TFEB: variants seen among roughly 807,000 people sequenced by gnomAD.
The protein encoded by TFEB is transcription factor EB, also known as T-cell transcription factor EB.
TFEB carries 12 observed loss-of-function variants against 48.0 expected under a neutral mutation model. That is an observed-to-expected ratio of 0.25 (90% CI 0.16 to 0.40). The LOEUF is 0.40. TFEB is among the 10% of genes least tolerant of loss of function. The pLI, the probability that TFEB is intolerant of heterozygous loss-of-function variation, is 1.00. For missense variants in TFEB, 509 were observed against 640.3 expected (o/e 0.79, Z 2.21); for synonymous variants, 244 against 261.4 (o/e 0.93, Z 0.64).
chr6:41,687,779 C>G lies in TFEB; in HGVS notation c.701G>C (p.Arg234Pro). 1 of 1,614,082 alleles carries G rather than the reference C, an allele frequency of 6.2e-7. No homozygotes were observed. Among genetic ancestry groups the G allele is most frequent in the Non-Finnish European group, 8.5e-7 (1 of 1,179,984 alleles). ...DAESRALAKE[R>P]QKKDNHNLIE... ...TAAGTTGTGATTGTCTTTCTTCTGC[C>G]GCTCCTTGGCCAGGGCCCTGCTCTC... The change falls in exon 6 of 9, where the codon CGG becomes CCG. Residue 234 changes from arginine to proline, a missense_variant. Physicochemically the swap from Arg to Pro is moderately radical, Grantham distance 103. Coordinates refer to ENST00000373033, the MANE Select transcript of TFEB (RefSeq NM_001271944.2).
rs1320346631 is a variant in TFEB at position 41,684,136 on chromosome 6, G to A, written c.*463C>T. The A allele has an allele frequency of 8.6e-6, 2 of 233,676 alleles. No homozygotes were observed. Among genetic ancestry groups the A allele is most frequent in the Non-Finnish European group, 8.5e-6 (1 of 118,228 alleles). The allele number at this position is 233,676 out of a possible 1,614,324, so 14.5% of individuals were successfully genotyped here. ...GGGGGTGCCCACCTGTGGGAGAGCC[G>A]AGGACCAGGCTGCGGGGTGGACCTC... On this transcript the variant is annotated 3_prime_UTR_variant, in exon 9 of 9. Transcript: ENST00000373033.
In TFEB at chr6:41,684,366, G is replaced by A. The variant is rs75080302; in HGVS notation, c.*233C>T. 0.037 allele frequency: 15,681 copies of A among 427,532 alleles called. 403 individuals are homozygous for A. The highest frequency in any genetic ancestry group is 0.085 in the Admixed American group (1,935 of 22,808). The allele number at this position is 427,532 out of a possible 1,614,324, so 26.5% of individuals were successfully genotyped here. A position where few individuals can be genotyped will look rare whatever the true frequency, so the allele number is the denominator to read the frequency against. On this transcript the variant is annotated 3_prime_UTR_variant, in exon 9 of 9. Transcript: ENST00000373033. ...CCCGCGATTCCATCTCCGGGAGAGG[G>A]GCTGAAGGCCTCTTCCCACTGCGCC...
chr6:41,703,813 C>T (rs2127458171), intron 1 of TFEB, among the ~76,000 whole-genome samples: 1 of 152,332 alleles, frequency 6.6e-6, no homozygotes, highest in Middle Eastern at 3.4e-3. Context: ...TTAATCCTCA[C>T]CACAGCTCCA....
chr6:41,722,550 C>A (rs1771025729), intron 1 of TFEB, among the ~76,000 whole-genome samples: 1 of 152,254 alleles, frequency 6.6e-6, no homozygotes, highest in African/African-American at 2.4e-5. Context: ...TGCCCTGGAG[C>A]AAGTCACTCT....
intron 3 of TFEB, 89 bp downstream of exon 3, chr6:41,690,574 G>A: frequency 2.2e-6 from 3 of 1,394,980 alleles, no homozygotes; most frequent in Non-Finnish European, 2.8e-6. Context: ...AGGCACCCCT[G>A]CCTCTGCCAT....
At chr6:41,715,351 G>A (rs1388397486) in intron 1 of TFEB, among the ~76,000 whole-genome samples, 2 of 152,068 alleles carry the variant, frequency 1.3e-5, no homozygotes, top group Non-Finnish European at 2.9e-5. Flanking sequence ...ATGGGAAAGG[G>A]ACACAGCAAC....
intron 1 of TFEB, among the ~76,000 whole-genome samples, chr6:41,698,169 C>T (rs73420071): frequency 0.13 from 19,264 of 152,008 alleles, 1,331 homozygotes; most frequent in East Asian, 0.22. Context: ...CATTATTGTC[C>T]CCATTCAAGG....
In TFEB at chr6:41,690,818, C is replaced by T. The variant is rs1215893543; in HGVS notation, c.313G>A (p.Ala105Thr). 1.2e-6 allele frequency: 2 copies of T among 1,613,170 alleles called. No individual in the cohort carries two copies. The highest frequency in any genetic ancestry group is 1.7e-5 in the Admixed American group (1 of 59,976). Reference protein sequence around the residue: ...YLSETYGNKFAAHISPAQGSP... With the variant: ...YLSETYGNKFTAHISPAQGSP... The stretch of plus-strand genomic sequence containing the variant: ...CCCTGGGCTGGGCTGATGTGGGCAG[C>T]AAACTTGTTCCCATAGGTCTCGGAC... The change falls in exon 3 of 9, where the codon GCT becomes ACT. Residue 105 changes from alanine to threonine, a missense_variant. Ala to Thr is a moderately conservative substitution (Grantham distance 58). Around this residue, in one of 4 missense-constraint regions of TFEB, gnomAD observed 251 missense variants for 317.2 expected, o/e 0.79. Coordinates refer to ENST00000373033, the MANE Select transcript of TFEB (RefSeq NM_001271944.2).
At chr6:41,704,266 G>A (rs1770090657) in intron 1 of TFEB, among the ~76,000 whole-genome samples, 1 of 152,210 alleles carries the variant, frequency 6.6e-6, no homozygotes. Flanking sequence ...AGTGGATCAC[G>A]AATATGCTCT....
chr6:41,713,592 G>A (rs11969692), intron 1 of TFEB, among the ~76,000 whole-genome samples: 65,178 of 151,802 alleles, frequency 0.43, 15,228 homozygotes, highest in African/African-American at 0.62. Flanking sequence ...GGAGAAACGC[G>A]GTCTGAGGCG....
intron 1 of TFEB, among the ~76,000 whole-genome samples, chr6:41,716,878 C>T (rs1057503045): frequency 8.5e-5 from 13 of 152,232 alleles, no homozygotes; most frequent in African/African-American, 3.1e-4. Context: ...GAGTCCCCCA[C>T]AGCTAGCAGA....
At chr6:41,718,358 A>G (rs780241470) in intron 1 of TFEB, among the ~76,000 whole-genome samples, 6 of 151,944 alleles carry the variant, frequency 3.9e-5, no homozygotes, top group Non-Finnish European at 8.8e-5. Flanking sequence ...ACAGGCATGC[A>G]TCATCACACC....
At chr6:41,703,443 T>C (rs1304645034) in intron 1 of TFEB, among the ~76,000 whole-genome samples, 1 of 151,790 alleles carries the variant, frequency 6.6e-6, no homozygotes, top group African/African-American at 2.4e-5. Flanking sequence ...CTCCTGCCCC[T>C]GCTCCTGGGG....
At chr6:41,722,322 T>A (rs1771017347) in intron 1 of TFEB, among the ~76,000 whole-genome samples, 1 of 152,202 alleles carries the variant, frequency 6.6e-6, no homozygotes, top group African/African-American at 2.4e-5. Context: ...TGTGGGTTAC[T>A]TTGATTACTT....
At position 41,684,548 on chromosome 6, in the gene TFEB, C is replaced by T; in HGVS notation, c.*51G>A. ...AGGGTGGGAGGGAGGTGCCCCTGGC[C>T]CTCCCAGCCCCCAGGCCGGCCCCTG... On this transcript the variant is annotated 3_prime_UTR_variant, in exon 9 of 9. Coordinates refer to ENST00000373033, the MANE Select transcript of TFEB (RefSeq NM_001271944.2). 1.3e-6 allele frequency: 2 copies of T among 1,500,784 alleles called. No homozygotes were observed. The highest frequency in any genetic ancestry group is 1.8e-6 in the Non-Finnish European group (2 of 1,127,830). The allele number at this position is 1,500,784 out of a possible 1,614,324, so 93.0% of individuals were successfully genotyped here.
rs1187907756 is a variant in TFEB at position 41,684,737 on chromosome 6, C to T, written c.1293G>A (p.Lys431=). 2 of 1,613,744 alleles carry T rather than the reference C, an allele frequency of 1.2e-6. No homozygotes were observed. The highest frequency in any genetic ancestry group is 1.7e-6 in the Non-Finnish European group (2 of 1,179,908). The change falls in exon 9 of 9, where the codon AAG becomes AAA. Residue 431 remains lysine (K), a synonymous_variant. Coordinates refer to ENST00000373033, the MANE Select transcript of TFEB (RefSeq NM_001271944.2). ...HGSPFPSLSK[K]DLDLMLLDDS... ...CGTCCAGGAGCATGAGGTCCAGATCCTTCTTGGACAGGCTGGGGAATGGGG... is the reference window on the plus strand; with the variant it reads ...CGTCCAGGAGCATGAGGTCCAGATCTTTCTTGGACAGGCTGGGGAATGGGG...
chr6:41,688,125 A>T, intron 4 of TFEB, 97 bp from the exon 5 acceptor site: 1 of 1,436,204 alleles, frequency 7.0e-7, no homozygotes, highest in Non-Finnish European at 9.4e-7. Context: ...CTTCCTGGGG[A>T]CACCTGGAGT....
chr6:41,697,288 G>A (rs958823217), intron 1 of TFEB, among the ~76,000 whole-genome samples: 2 of 151,554 alleles, frequency 1.3e-5, no homozygotes, highest in East Asian at 3.9e-4. Context: ...CATGCCTGTA[G>A]GCCCAGCTGC....
chr6:41,723,139 G>C lies in TFEB; in HGVS notation c.-23+12211C>G, dbSNP rs1452867563. 1.3e-5 allele frequency among the ~76,000 whole-genome samples: 2 copies of C among 152,134 alleles called. No homozygotes were observed. The highest frequency in any genetic ancestry group is 4.8e-5 in the African/African-American group (2 of 41,394). ...CCTTGAAATAAGCCTGGAGAGATGA[G>C]GAAACTGAAGCACAACTCTGGCTGA... On this transcript the variant is annotated intron_variant, in intron 1 of 8. Transcript: ENST00000373033. The surrounding 1 kb of genome is among the most constrained non-coding windows in gnomAD (Gnocchi z 6.0).
Sources: allele counts gnomAD v4.1 joint callset (sites outside exome capture counted in the v4.1 genomes callset), GRCh38; gene constraint gnomAD v4.1.1; regional missense constraint gnomAD v4.1.1; non-coding constraint Gnocchi (gnomAD v3.1); transcripts MANE v1.5; gene names NCBI Gene and HGNC (gene_info 2026-07-23, HGNC 2026-07-21).